Variants in RANBP2 observed in about 807,000 individuals in gnomAD.
RANBP2 encodes RAN binding protein 2.
RANBP2 carries 57 observed loss-of-function variants against 303.6 expected under a neutral mutation model. The ratio of observed to expected loss-of-function variants is 0.19; its 90% CI spans 0.15 to 0.23. The LOEUF is 0.23. Among genes scored for constraint, RANBP2 ranks in the 10% least tolerant of loss-of-function variants. RANBP2 has a pLI of 1.00. For missense variants in RANBP2, 3,138 were observed against 3,780.8 expected (o/e 0.83, Z 4.46); for synonymous variants, 1,167 against 1,301.5 (o/e 0.90, Z 2.23).
chr2:109,593,006 A>G, the RANBP2 span: 7 of 1,300,282 alleles, frequency 5.4e-6, no homozygotes, highest in Non-Finnish European at 7.3e-6. Flanking sequence ...AAATCATAGA[A>G]GCATTTAGAG....
At chr2:109,315,592 T>G in the RANBP2 span, among the ~76,000 whole-genome samples, 2 of 152,250 alleles carry the variant, frequency 1.3e-5, no homozygotes, top group Non-Finnish European at 2.9e-5. Flanking sequence ...TGCAGAACTT[T>G]CAGAAACTGT....
chr2:109,733,100 A>C, the RANBP2 span: 3 of 545,260 alleles, frequency 5.5e-6, no homozygotes, highest in Non-Finnish European at 1.1e-5. Context: ...AGTTAGGAGA[A>C]GAGAGAGATC....
chr2:108,791,853 G>C, the RANBP2 span: 17 of 1,505,258 alleles, frequency 1.1e-5, no homozygotes, highest in Non-Finnish European at 1.5e-5. Flanking sequence ...TTGTCAAGTA[G>C]AGTAAATGAA....
At chr2:109,078,743 G>A in the RANBP2 span, among the ~76,000 whole-genome samples, 12 of 150,592 alleles carry the variant, frequency 8.0e-5, no homozygotes, top group African/African-American at 2.9e-4. Context: ...AGCACTTTGG[G>A]AGGCCAAGGC....
the RANBP2 span, among the ~76,000 whole-genome samples, chr2:109,445,895 A>G: frequency 2.0e-5 from 3 of 152,220 alleles, no homozygotes; most frequent in East Asian, 3.9e-4. Flanking sequence ...GCACCTACAG[A>G]TACTAGGGAC....
the RANBP2 span, among the ~76,000 whole-genome samples, chr2:109,066,062 C>T: frequency 2.6e-4 from 40 of 151,930 alleles, 1 homozygote; most frequent in South Asian, 3.1e-3. Flanking sequence ...CTCGGCCTCC[C>T]GAGTAGCTGG....
the RANBP2 span, among the ~76,000 whole-genome samples, chr2:109,513,192 C>A: frequency 2.0e-5 from 3 of 152,158 alleles, no homozygotes; most frequent in Non-Finnish European, 4.4e-5. Context: ...AAAGCACCTG[C>A]ACAGTAGACC....
chr2:108,920,112 C>T, the RANBP2 span, among the ~76,000 whole-genome samples: 90 of 152,242 alleles, frequency 5.9e-4, no homozygotes, highest in African/African-American at 1.9e-3. Context: ...CTGTCCACAC[C>T]GCCAGTCAGT....
At chr2:109,213,316 G>T in the RANBP2 span, among the ~76,000 whole-genome samples, 2 of 152,172 alleles carry the variant, frequency 1.3e-5, no homozygotes, top group African/African-American at 4.8e-5. Flanking sequence ...ATAAGGCTAT[G>T]TGTACGCCAA....
At chr2:109,306,967 T>C in the RANBP2 span, among the ~76,000 whole-genome samples, 3 of 152,366 alleles carry the variant, frequency 2.0e-5, no homozygotes, top group African/African-American at 7.2e-5. Context: ...GCTCAATTGC[T>C]TGCCGCTTGG....
the RANBP2 span, among the ~76,000 whole-genome samples, chr2:108,906,732 C>T: frequency 4.6e-5 from 7 of 152,358 alleles, no homozygotes; most frequent in Non-Finnish European, 1.0e-4. Context: ...TCCCGGATCA[C>T]GTGGCTGGTG....
At chr2:108,805,586 G>A in the RANBP2 span, among the ~76,000 whole-genome samples, 19 of 152,068 alleles carry the variant, frequency 1.2e-4, no homozygotes, top group Non-Finnish European at 1.9e-4. Flanking sequence ...AAATAGCTGG[G>A]CGTGATGGCG....
chr2:108,910,552 T>G, the RANBP2 span: 11 of 1,602,992 alleles, frequency 6.9e-6, no homozygotes, highest in African/African-American at 1.3e-5. Context: ...AATGGGGAGG[T>G]TGGGGAGATA....
intron 12 of RANBP2, among the ~76,000 whole-genome samples, chr2:108,752,786 C>CT (rs1558904415): frequency 1.3e-5 from 2 of 150,138 alleles, no homozygotes; most frequent in East Asian, 2.0e-4. Context: ...GAGCAAGACT[C>CT]TGTCTCAAAA....
At chr2:109,005,896 C>T in the RANBP2 span, among the ~76,000 whole-genome samples, 1 of 152,224 alleles carries the variant, frequency 6.6e-6, no homozygotes, top group African/African-American at 2.4e-5. Flanking sequence ...GGAATGGTGC[C>T]CACCGCCTTT....
chr2:109,077,056 T>C, the RANBP2 span, among the ~76,000 whole-genome samples: 1 of 150,376 alleles, frequency 6.6e-6, no homozygotes, highest in Non-Finnish European at 1.5e-5. Context: ...CAGAAACCAA[T>C]GGAACAAAAT....
the RANBP2 span, among the ~76,000 whole-genome samples, chr2:109,333,353 T>A: frequency 2.0e-5 from 3 of 152,242 alleles, no homozygotes; most frequent in Non-Finnish European, 2.9e-5. Flanking sequence ...ATCAATGTAA[T>A]GTATTGGTTT....
At chr2:109,125,357 AAAG>A in the RANBP2 span, among the ~76,000 whole-genome samples, 1 of 152,168 alleles carries the variant, frequency 6.6e-6, no homozygotes, top group Non-Finnish European at 1.5e-5. Flanking sequence ...CCAAATCTAA[AAAG>A]AAGTTCAAAT....
chr2:109,721,217 CT>C, the RANBP2 span, among the ~76,000 whole-genome samples: 20 of 152,346 alleles, frequency 1.3e-4, no homozygotes, highest in Admixed American at 1.3e-3. Flanking sequence ...GGAACACGAA[CT>C]TTCTTTTGTG....
Sources: gnomAD v4.1 joint callset for allele counts (sites outside exome capture counted in the v4.1 genomes callset) on GRCh38, gnomAD v4.1.1 for gene constraint, MANE v1.5 for transcripts, NCBI Gene and HGNC (gene_info 2026-07-23, HGNC 2026-07-21) for gene names.